The following ANKRD30B variants were observed in gnomAD, a reference collection of about 807,000 sequenced individuals.
ANKRD30B encodes ankyrin repeat domain 30B.
In ANKRD30B, 144 loss-of-function variants were observed where a neutral mutation model predicts 202.2. That is an observed-to-expected ratio of 0.71 (90% CI 0.62 to 0.82). The LOEUF is 0.82. ANKRD30B is among the 40% of genes least tolerant of loss of function. The pLI is 0.00. For missense variants in ANKRD30B, 1,487 were observed against 1,669.1 expected (o/e 0.89, Z 1.90); for synonymous variants, 508 against 561.3 (o/e 0.91, Z 1.34).
At chr18:14,865,477 C>A in the ANKRD30B span, among the ~76,000 whole-genome samples, 1 of 151,890 alleles carries the variant, frequency 6.6e-6, no homozygotes, top group Non-Finnish European at 1.5e-5. Context: ...TTCTCTCCTT[C>A]CTGCTCATCC....
intron 31 of ANKRD30B, 30 bp from the exon 32 acceptor site, chr18:14,822,575 A>C (rs555060076): frequency 6.4e-6 from 7 of 1,093,044 alleles, no homozygotes; most frequent in South Asian, 1.4e-5. Context: ...TACATTATAT[A>C]GTAATTATTG....
At chr18:14,886,164 CA>C in the ANKRD30B span, among the ~76,000 whole-genome samples, 6 of 151,638 alleles carry the variant, frequency 4.0e-5, no homozygotes, top group South Asian at 1.0e-3. Context: ...AAATCAAAAA[CA>C]AAAAAATACA....
intron 15 of ANKRD30B, 102 bp from the exon 16 acceptor site, chr18:14,791,299 A>G: frequency 1.0e-6 from 1 of 952,800 alleles, no homozygotes; most frequent in Non-Finnish European, 1.6e-6. Context: ...TTTGCAAACT[A>G]GGAAATTGTG....
intron 30 of ANKRD30B, among the ~76,000 whole-genome samples, chr18:14,815,724 C>G (rs544302146): frequency 6.6e-6 from 1 of 152,266 alleles, no homozygotes; most frequent in South Asian, 2.1e-4. Flanking sequence ...GTGATTTTAA[C>G]ATAGAAAATG....
At chr18:14,843,549 CT>C (rs1971506698) in intron 39 of ANKRD30B, among the ~76,000 whole-genome samples, 2 of 60,326 alleles carry the variant, frequency 3.3e-5, no homozygotes, top group South Asian at 1.6e-3. Context: ...GATTAGCTTA[CT>C]TTCTGTGTGT....
intron 30 of ANKRD30B, among the ~76,000 whole-genome samples, chr18:14,815,795 G>A (rs1170265640): frequency 6.6e-6 from 1 of 152,046 alleles, no homozygotes; most frequent in Non-Finnish European, 1.5e-5. Flanking sequence ...AATATTGAAA[G>A]CTTATTATAT....
At chr18:14,903,746 G>A in the ANKRD30B span, 78,110 of 151,924 alleles carry the variant, frequency 0.51, 20,339 homozygotes, top group African/African-American at 0.54. Flanking sequence ...ATCTTCTGCC[G>A]GTTAAGCCAC....
chr18:14,910,504 A>T, the ANKRD30B span, among the ~76,000 whole-genome samples: 920 of 148,136 alleles, frequency 6.2e-3, 32 homozygotes, highest in East Asian at 0.1. Context: ...TATATATATA[A>T]AATTTCTTTA....
At chr18:14,912,920 T>C in the ANKRD30B span, among the ~76,000 whole-genome samples, 1 of 152,248 alleles carries the variant, frequency 6.6e-6, no homozygotes, top group African/African-American at 2.4e-5. Context: ...AGCTGAGTGC[T>C]GGGAGTTTTG....
chr18:14,855,147 G>C (rs1255359474), downstream of ANKRD30B, among the ~76,000 whole-genome samples: 1 of 152,108 alleles, frequency 6.6e-6, no homozygotes, highest in Non-Finnish European at 1.5e-5. Flanking sequence ...GTTTAACAAA[G>C]CCCATCTTGC....
chr18:14,911,940 C>A, the ANKRD30B span, among the ~76,000 whole-genome samples: 1 of 152,080 alleles, frequency 6.6e-6, no homozygotes, highest in African/African-American at 2.4e-5. Flanking sequence ...CTGGTATATA[C>A]AAATTTTACT....
chr18:14,792,426 A>G (rs2143937113), intron 16 of ANKRD30B, among the ~76,000 whole-genome samples: 1 of 152,260 alleles, frequency 6.6e-6, no homozygotes, highest in Non-Finnish European at 1.5e-5. Flanking sequence ...CTACTGCTAA[A>G]CAAAGAAAAA....
chr18:14,874,629 G>A, the ANKRD30B span, among the ~76,000 whole-genome samples: 1 of 152,140 alleles, frequency 6.6e-6, no homozygotes, highest in Non-Finnish European at 1.5e-5. Flanking sequence ...CAGGTTAAGG[G>A]AATAGATGAA....
chr18:14,831,383 T>C lies in ANKRD30B; in HGVS notation c.2775T>C (p.Ser925=). ...EDVSSVESTF[S]LFGKPTTENS... is the part of the protein sequence containing the mutation. The stretch of plus-strand genomic sequence containing the variant: ...TTTTTGTTTTATCTTTTTTCTCTAG[T>C]CTTTTTGGCAAACCGACTACTGAAA... The change falls in exon 34 of 44, where the codon AGT becomes AGC. Residue 925 remains serine, a splice_region_variant and synonymous_variant. Transcript: ENST00000690538. 6.6e-7 allele frequency: 1 copy of C among 1,504,748 alleles called. No homozygotes were observed. The highest frequency in any genetic ancestry group is 9.0e-7 in the Non-Finnish European group (1 of 1,114,462). The allele number at this position is 1,504,748 out of a possible 1,614,324, so 93.2% of individuals were successfully genotyped here.
rs765905553 is a variant in ANKRD30B at position 14,752,825 on chromosome 18, T to A, written c.337-14T>A. 2.5e-6 allele frequency: 4 copies of A among 1,603,266 alleles called. No individual in the cohort carries two copies. Among genetic ancestry groups the A allele is most frequent in the Middle Eastern group, 1.7e-4 (1 of 6,018 alleles). On this transcript the variant is annotated splice_polypyrimidine_tract_variant and intron_variant, in intron 2 of 43. Transcript: ENST00000690538. ...CTATAATTTATAATGTACTTCTTGC[T>A]TTAATACTGACAGGCTCTACAATGC...
chr18:14,771,717 G>T (rs1253468617), intron 8 of ANKRD30B, among the ~76,000 whole-genome samples: 1 of 152,138 alleles, frequency 6.6e-6, no homozygotes, highest in Non-Finnish European at 1.5e-5. Flanking sequence ...ATAGACAATG[G>T]ATAAGGGACA....
chr18:14,826,668 C>A lies in ANKRD30B; in HGVS notation c.2744-1610C>A, dbSNP rs1224910975. Among the ~76,000 whole-genome samples the A allele has an allele frequency of 4.1e-5, 5 of 120,620 alleles. No individual in the cohort carries two copies. The Admixed American group carries it at 4.7e-4, about 11-fold the overall frequency. The allele number at this position is 120,620 out of a possible 152,430, so 79.1% of individuals were successfully genotyped here. On this transcript the variant is annotated intron_variant, in intron 32 of 43. Transcript: ENST00000690538. ...AGATCTGTATTGTTTCTCTCTCTCTCTCTCTCCCCCTCTCTCTCTCTCTCT... is the reference window on the plus strand; with the variant it reads ...AGATCTGTATTGTTTCTCTCTCTCTATCTCTCCCCCTCTCTCTCTCTCTCT...
At chr18:14,885,622 G>C in the ANKRD30B span, among the ~76,000 whole-genome samples, 2 of 151,952 alleles carry the variant, frequency 1.3e-5, no homozygotes, top group South Asian at 4.1e-4. Context: ...CTACAGCTAG[G>C]TCCCCTCGTA....
the ANKRD30B span, among the ~76,000 whole-genome samples, chr18:14,883,357 C>G: frequency 0.011 from 1,258 of 115,404 alleles, 17 homozygotes; most frequent in African/African-American, 0.017. Context: ...CTTTCTCTCT[C>G]TCTGTCTGTC....
Sources: allele counts gnomAD v4.1 joint callset (sites outside exome capture counted in the v4.1 genomes callset), GRCh38; gene constraint gnomAD v4.1.1; transcripts MANE v1.5; gene names NCBI Gene and HGNC (gene_info 2026-07-23, HGNC 2026-07-21).